The following BMAL2 variants were observed in gnomAD, a reference collection of about 807,000 sequenced individuals.
The protein encoded by BMAL2 is basic helix-loop-helix ARNT like 2.
the BMAL2 span, among the ~76,000 whole-genome samples, chr12:27,348,770 G>A: frequency 6.6e-6 from 1 of 152,206 alleles, no homozygotes; most frequent in East Asian, 1.9e-4. Context: ...ATTATTGAGT[G>A]TGGGCAGTGT....
At chr12:27,415,786 A>G in the BMAL2 span, 2 of 892,582 alleles carry the variant, frequency 2.2e-6, no homozygotes. Flanking sequence ...TATTTTTATT[A>G]GTAGATTATT....
the BMAL2 span, among the ~76,000 whole-genome samples, chr12:27,408,081 T>C: frequency 1.3e-5 from 2 of 152,070 alleles, no homozygotes; most frequent in Non-Finnish European, 2.9e-5. Flanking sequence ...TAACAGGCTC[T>C]GAAATTGAGG....
chr12:27,410,093 C>T, the BMAL2 span, among the ~76,000 whole-genome samples: 1 of 151,386 alleles, frequency 6.6e-6, no homozygotes, highest in African/African-American at 2.4e-5. Flanking sequence ...AGTCAGGAAA[C>T]AACAGGTGCT....
chr12:27,335,291 A>T, the BMAL2 span, among the ~76,000 whole-genome samples: 1 of 152,186 alleles, frequency 6.6e-6, no homozygotes, highest in African/African-American at 2.4e-5. Context: ...GATGGTAAAC[A>T]CCGAAATTGA....
At chr12:27,379,289 A>T in the BMAL2 span, among the ~76,000 whole-genome samples, 1 of 152,240 alleles carries the variant, frequency 6.6e-6, no homozygotes, top group South Asian at 2.1e-4. Context: ...CTTGAGAATC[A>T]TTTAGGTTTA....
the BMAL2 span, among the ~76,000 whole-genome samples, chr12:27,356,606 G>C: frequency 5.3e-5 from 8 of 152,182 alleles, no homozygotes. Flanking sequence ...GTAGAAATGA[G>C]AAAAATCCTT....
the BMAL2 span, among the ~76,000 whole-genome samples, chr12:27,371,683 C>T: frequency 6.6e-6 from 1 of 150,702 alleles, no homozygotes; most frequent in African/African-American, 2.5e-5. Flanking sequence ...ATTGCCTCTG[C>T]ACTTTTTCAC....
At chr12:27,390,954 CTT>C in the BMAL2 span, among the ~76,000 whole-genome samples, 1 of 152,160 alleles carries the variant, frequency 6.6e-6, no homozygotes, top group Non-Finnish European at 1.5e-5. Flanking sequence ...TGGTCGGAAT[CTT>C]TTTTGACAAA....
At chr12:27,415,801 A>G in the BMAL2 span, 2 of 1,067,172 alleles carry the variant, frequency 1.9e-6, no homozygotes, top group South Asian at 1.4e-5. Flanking sequence ...ATTATTATGT[A>G]TTTAGAGGAG....
At chr12:27,368,087 C>G in the BMAL2 span, among the ~76,000 whole-genome samples, 1 of 151,924 alleles carries the variant, frequency 6.6e-6, no homozygotes, top group Non-Finnish European at 1.5e-5. Context: ...AGGTGATCCA[C>G]CCGCCTCAGC....
At chr12:27,364,656 C>A in the BMAL2 span, among the ~76,000 whole-genome samples, 1 of 152,148 alleles carries the variant, frequency 6.6e-6, no homozygotes, top group Non-Finnish European at 1.5e-5. Context: ...ATACTGTTCA[C>A]ATAGTTGTAT....
At chr12:27,338,190 C>T in the BMAL2 span, among the ~76,000 whole-genome samples, 33 of 152,296 alleles carry the variant, frequency 2.2e-4, no homozygotes, top group Non-Finnish European at 3.4e-4. Context: ...CCATTAAATA[C>T]GCACTATTTA....
At chr12:27,378,058 G>GC in the BMAL2 span, among the ~76,000 whole-genome samples, 1 of 152,142 alleles carries the variant, frequency 6.6e-6, no homozygotes, top group Non-Finnish European at 1.5e-5. Flanking sequence ...TCATCAGATT[G>GC]CCCCTAAACT....
chr12:27,373,467 T>C, the BMAL2 span, among the ~76,000 whole-genome samples: 3 of 152,110 alleles, frequency 2.0e-5, no homozygotes, highest in Non-Finnish European at 2.9e-5. Context: ...CAGACATCAT[T>C]AATGCACAAA....
At chr12:27,380,108 A>C in the BMAL2 span, 4 of 760,252 alleles carry the variant, frequency 5.3e-6, no homozygotes, top group African/African-American at 1.8e-5. Flanking sequence ...CTCTTCCCTC[A>C]CTGACAACTG....
chr12:27,347,521 A>G, the BMAL2 span, among the ~76,000 whole-genome samples: 34,876 of 151,982 alleles, frequency 0.23, 5,067 homozygotes, highest in East Asian at 0.64. Flanking sequence ...TGCTTGAGGA[A>G]TATTTACTAA....
At chr12:27,405,092 G>A in the BMAL2 span, among the ~76,000 whole-genome samples, 1 of 151,834 alleles carries the variant, frequency 6.6e-6, no homozygotes, top group East Asian at 1.9e-4. Context: ...GGTAAACAAA[G>A]CAGCCGGGAA....
the BMAL2 span, among the ~76,000 whole-genome samples, chr12:27,383,539 C>CCACT: frequency 2.0e-5 from 3 of 152,264 alleles, no homozygotes; most frequent in East Asian, 5.8e-4. Context: ...GAGCACATCC[C>CCACT]CACTCACTCA....
the BMAL2 span, among the ~76,000 whole-genome samples, chr12:27,386,692 C>T: frequency 6.6e-6 from 1 of 152,074 alleles, no homozygotes; most frequent in African/African-American, 2.4e-5. Flanking sequence ...TGCAGTGGTG[C>T]GATCTCGGCT....
Sources: gnomAD v4.1 joint callset for allele counts (sites outside exome capture counted in the v4.1 genomes callset) on GRCh38, gnomAD v4.1.1 for gene constraint, MANE v1.5 for transcripts, NCBI Gene and HGNC (gene_info 2026-07-23, HGNC 2026-07-21) for gene names.